UBXN8: variants seen among roughly 807,000 people sequenced by gnomAD.
UBXN8 encodes the protein UBX domain protein 8.
In UBXN8, 27 loss-of-function variants were observed where a neutral mutation model predicts 32.1. The ratio of observed to expected loss-of-function variants is 0.84; its 90% CI spans 0.62 to 1.16. UBXN8 has a LOEUF of 1.16. Ranked by LOEUF, UBXN8 falls within the 50% of genes most tolerant of loss-of-function variation. The pLI, the probability that UBXN8 is intolerant of heterozygous loss-of-function variation, is 0.00. For synonymous variants in UBXN8, 109 were observed against 111.8 expected, an observed-to-expected ratio of 0.98 and a Z score of 0.16; for missense variants, 306 against 311.4, an observed-to-expected ratio of 0.98 and a Z score of 0.13.
At chr8:30,737,475 A>C (rs1805094681) in intron 1 of UBXN8, among the ~76,000 whole-genome samples, 1 of 152,188 alleles carries the variant, frequency 6.6e-6, no homozygotes, top group South Asian at 2.1e-4. Context: ...TACAGACTCC[A>C]TGGTGTGCAA....
At chr8:30,744,719 A>G (rs1966520) in intron 1 of UBXN8, among the ~76,000 whole-genome samples, 151,845 of 152,366 alleles carry the variant, frequency 1, 75,665 homozygotes, top group Middle Eastern at 1. Context: ...TTACAGGCCT[A>G]CGCCACTGCG....
Position 30,736,380 on chromosome 8 carries a change from G to A in UBXN8, c.622+3072G>A, listed in dbSNP as rs187473968. 5.3e-3 allele frequency among the ~76,000 whole-genome samples: 751 copies of A among 141,202 alleles called. 6 individuals carry two copies. The highest frequency in any genetic ancestry group is 7.0e-3 in the Non-Finnish European group (463 of 65,744). The allele number at this position is 141,202 out of a possible 152,430, so 92.6% of individuals were successfully genotyped here. On this transcript the variant is annotated intron_variant, in intron 1 of 1. Transcript: ENST00000522968. Reference sequence around the variant, plus strand: ...TCAGTAACATATCTTGAAAGATCATGGGGGAGATCATAAAAAGTTTTGGAA... The same window carrying A: ...TCAGTAACATATCTTGAAAGATCATAGGGGAGATCATAAAAAGTTTTGGAA...
At chr8:30,757,025 A>G (rs1049829880) in intron 5 of UBXN8, 138 bp downstream of exon 5, 2 of 1,338,526 alleles carry the variant, frequency 1.5e-6, no homozygotes, top group African/African-American at 1.5e-5. Context: ...TTACAAAGCA[A>G]TCACCCCAGA....
At chr8:30,755,542 G>A (rs961273880) in intron 4 of UBXN8, among the ~76,000 whole-genome samples, 3 of 151,788 alleles carry the variant, frequency 2.0e-5, no homozygotes, top group Admixed American at 1.3e-4. Context: ...TGCTTGAGAC[G>A]AGGAGTTTGA....
At chr8:30,731,214 G>C (rs1486358632), upstream of UBXN8, among the ~76,000 whole-genome samples, 1 of 152,236 alleles carries the variant, frequency 6.6e-6, no homozygotes. Flanking sequence ...TTATTGGACT[G>C]AGGGGGACCG....
chr8:30,752,273 A>G (rs1174515136), intron 2 of UBXN8, among the ~76,000 whole-genome samples: 1 of 152,018 alleles, frequency 6.6e-6, no homozygotes, highest in African/African-American at 2.4e-5. Context: ...TTTGTCTTTT[A>G]TATGTAAATG....
At chr8:30,730,217 G>A (rs1804919321), upstream of UBXN8, among the ~76,000 whole-genome samples, 1 of 152,162 alleles carries the variant, frequency 6.6e-6, no homozygotes, top group Admixed American at 6.6e-5. Flanking sequence ...GGATACAAAT[G>A]CCCTTGAGAG....
chr8:30,737,325 C>G (rs924222727), intron 1 of UBXN8, among the ~76,000 whole-genome samples: 50 of 152,184 alleles, frequency 3.3e-4, no homozygotes, highest in African/African-American at 1.0e-3. Flanking sequence ...TCTTTCTATT[C>G]AGGCCTTTAG....
chr8:30,749,570 T>A (rs1056306421), intron 1 of UBXN8, among the ~76,000 whole-genome samples: 11 of 151,078 alleles, frequency 7.3e-5, no homozygotes, highest in African/African-American at 2.7e-4. Context: ...AGTGAGATTA[T>A]CATAGAACTA....
At chr8:30,729,753 T>C (rs1804906767), upstream of UBXN8, among the ~76,000 whole-genome samples, 1 of 152,174 alleles carries the variant, frequency 6.6e-6, no homozygotes, top group Non-Finnish European at 1.5e-5. Flanking sequence ...TGAAATAGAT[T>C]GGCCAACATT....
At chr8:30,744,385 A>G (rs1378186109) in intron 1 of UBXN8, 108 bp downstream of exon 1, 3 of 1,099,472 alleles carry the variant, frequency 2.7e-6, no homozygotes, top group Non-Finnish European at 4.1e-6. Flanking sequence ...AGCTTTGACT[A>G]CAACTCCCAG....
intron 1 of UBXN8, 61 bp downstream of exon 1, chr8:30,744,338 T>C (rs1805300948): frequency 2.0e-6 from 3 of 1,518,518 alleles, no homozygotes; most frequent in East Asian, 2.3e-5. Context: ...GAATGTTGCA[T>C]AGAACGACCG....
intron 2 of UBXN8, among the ~76,000 whole-genome samples, 157 bp from the exon 3 acceptor site, chr8:30,752,878 A>G (rs991164298): frequency 8.5e-5 from 13 of 152,234 alleles, no homozygotes; most frequent in Non-Finnish European, 1.9e-4. Context: ...AAAAGGTTAT[A>G]CTATTCAACC....
chr8:30,757,801 A>G (rs1222847172), intron 5 of UBXN8, among the ~76,000 whole-genome samples: 1 of 149,554 alleles, frequency 6.7e-6, no homozygotes, highest in African/African-American at 2.5e-5. Context: ...TGGAGGTTGC[A>G]GTGAGCCTAG....
chr8:30,754,737 T>C lies in UBXN8; in HGVS notation c.355T>C (p.Tyr119His). Residue 119 changes from tyrosine (Y) to histidine (H), a missense_variant, in exon 4 of 8, where the codon TAT becomes CAT. By Grantham distance (83) the Tyr-to-His change is moderately conservative (BLOSUM62 2). Transcript: ENST00000265616. ...ATTGAGAAAACTGGAGGAGCGCTTT[T>C]ATCAAATGACGGGTGAAGCCTGGAA... is the stretch of plus-strand genomic sequence containing the variant. ...MKLRKLEERF[Y>H]QMTGEAWKLS... 1 of 1,565,316 alleles carries C rather than the reference T, an allele frequency of 6.4e-7. No homozygotes were observed. The highest frequency in any genetic ancestry group is 8.6e-7 in the Non-Finnish European group (1 of 1,165,568).
intron 7 of UBXN8, among the ~76,000 whole-genome samples, chr8:30,765,670 C>T (rs573748570): frequency 2.0e-5 from 3 of 151,488 alleles, no homozygotes; most frequent in Non-Finnish European, 2.9e-5. Context: ...TCTCCCTCCT[C>T]AGCCTCCTGA....
chr8:30,736,193 G>A (rs999098159), intron 1 of UBXN8, among the ~76,000 whole-genome samples: 18 of 152,158 alleles, frequency 1.2e-4, no homozygotes, highest in Admixed American at 2.0e-4. Flanking sequence ...ATAACTAAAC[G>A]TGGAATTAAC....
chr8:30,737,769 G>T (rs1805100562), intron 1 of UBXN8, among the ~76,000 whole-genome samples: 1 of 152,008 alleles, frequency 6.6e-6, no homozygotes, highest in African/African-American at 2.4e-5. Flanking sequence ...GATCACGTGG[G>T]CCTGGGAGGT....
chr8:30,749,349 C>T (rs1213098298), intron 1 of UBXN8, among the ~76,000 whole-genome samples: 3 of 149,990 alleles, frequency 2.0e-5, no homozygotes, highest in South Asian at 2.1e-4. Context: ...GCCAAGATTG[C>T]GCCACTGCAC....
Sources: allele counts gnomAD v4.1 joint callset (sites outside exome capture counted in the v4.1 genomes callset), GRCh38; gene constraint gnomAD v4.1.1; transcripts MANE v1.5; gene names NCBI Gene and HGNC (gene_info 2026-07-23, HGNC 2026-07-21).